AK6: variants seen among roughly 807,000 people sequenced by gnomAD.
AK6 encodes the protein adenylate kinase isoenzyme 6.
In AK6, 24 loss-of-function variants were observed where a neutral mutation model predicts 23.7. The observed-to-expected ratio is 1.01, with a 90% CI of 0.73 to 1.43. The LOEUF (loss-of-function observed/expected upper bound fraction) is 1.43, where lower values mean the gene tolerates loss of function less well. Ranked by LOEUF, AK6 falls within the 40% of genes most tolerant of loss-of-function variation. The probability of loss-of-function intolerance (pLI) is 0.00; values close to 1 mark genes in which losing one functional copy is unlikely to be tolerated. For synonymous variants in AK6, 73 were observed against 69.8 expected, an observed-to-expected ratio of 1.05 and a Z score of -0.23; for missense variants, 191 against 199.1, an observed-to-expected ratio of 0.96 and a Z score of 0.24.
At chr5:69,367,028 G>A (rs1365216426) in intron 1 of AK6, among the ~76,000 whole-genome samples, 2 of 151,916 alleles carry the variant, frequency 1.3e-5, no homozygotes, top group Non-Finnish European at 2.9e-5. Context: ...TAAAGTGCTG[G>A]GATTACAGGC....
intron 1 of AK6, 131 bp downstream of exon 1, chr5:69,369,332 C>T: frequency 1.0e-6 from 1 of 985,794 alleles, no homozygotes. Context: ...GGGGCGCTGA[C>T]AACCGCCTCG....
intron 2 of AK6, 78 bp from the exon 3 acceptor site, chr5:69,356,031 G>C: frequency 8.0e-7 from 1 of 1,248,696 alleles, no homozygotes; most frequent in East Asian, 2.3e-5. Flanking sequence ...CTAGACTTCA[G>C]GAAAGGAAAT....
chr5:69,362,374 T>C (rs1235003537), intron 2 of AK6, among the ~76,000 whole-genome samples: 1 of 152,210 alleles, frequency 6.6e-6, no homozygotes, highest in Non-Finnish European at 1.5e-5. Context: ...GATGATTGCC[T>C]GGTTTCCCTT....
chr5:69,364,932 G>C, intron 2 of AK6: 1 of 1,597,720 alleles, frequency 6.3e-7, no homozygotes. Flanking sequence ...GTTACATTCA[G>C]CAAGGCTAGA....
In AK6 at chr5:69,352,221, A is replaced by T; in HGVS notation, c.359T>A (p.Ile120Asn). ...GYNEKKLTDN[I>N]QCEIFQVLYE... ...AAGAACTTGAAAAATCTCACACTGA[A>T]TATTGTCTGTTAGTTTCTTCTCATT... Residue 120 changes from isoleucine (I) to asparagine (N), a missense_variant, in exon 5 of 5, where the codon ATT becomes AAT. Physicochemically the swap from Ile to Asn is moderately radical, Grantham distance 149 (BLOSUM62 -3). Transcript: ENST00000380822. 3.1e-6 allele frequency: 5 copies of T among 1,613,580 alleles called. No individual in the cohort carries two copies. Among genetic ancestry groups the T allele is most frequent in the Middle Eastern group, 1.7e-4 (1 of 6,060 alleles).
intron 1 of AK6, among the ~76,000 whole-genome samples, chr5:69,368,466 G>A (rs1310737006): frequency 6.6e-6 from 1 of 152,160 alleles, no homozygotes; most frequent in Non-Finnish European, 1.5e-5. Context: ...TCACTTTAAA[G>A]TTTTGACAAT....
In AK6 at chr5:69,367,248, C is replaced by T. The variant is rs151055466; in HGVS notation, c.29-653G>A. On this transcript the variant is annotated intron_variant, in intron 1 of 4. Transcript: ENST00000380822. ...CCATCTCGTGCTGGGCGCAGTGGCT[C>T]ATGCCTGTAATCACCGCACTTTGGG... Among the ~76,000 whole-genome samples the T allele has an allele frequency of 1.5e-3, 226 of 151,990 alleles. 2 individuals are homozygous for T. The Middle Eastern group carries it at 0.017, about 11-fold the overall frequency.
chr5:69,365,848 A>G lies in AK6; in HGVS notation c.121+655T>C, dbSNP rs564040390. 4.4e-6 allele frequency: 4 copies of G among 918,894 alleles called. No homozygotes were observed. The East Asian group carries it at 8.9e-5, about 20-fold the overall frequency. 56.9% of individuals were successfully genotyped at this position (918,894 alleles called of 1,614,324 possible). ...AGGAACTTAAAAAAATTTTAAATCTATGTTAAACTGTAAAAAAATTTTTAA... is the reference window on the plus strand; with the variant it reads ...AGGAACTTAAAAAAATTTTAAATCTGTGTTAAACTGTAAAAAAATTTTTAA... On this transcript the variant is annotated intron_variant, in intron 2 of 4. Transcript: ENST00000380822.
intron 4 of AK6, among the ~76,000 whole-genome samples, chr5:69,353,970 T>C (rs1762017441): frequency 6.6e-6 from 1 of 151,790 alleles, no homozygotes; most frequent in Non-Finnish European, 1.5e-5. Flanking sequence ...AAGGTCTTGC[T>C]ATGTTGCCCA....
chr5:69,352,940 T>C (rs1476983013), intron 4 of AK6, among the ~76,000 whole-genome samples: 2 of 152,100 alleles, frequency 1.3e-5, no homozygotes, highest in Non-Finnish European at 2.9e-5. Context: ...CACAAAAACA[T>C]GTGCAAGAAT....
chr5:69,369,087 T>C lies in AK6; in HGVS notation c.28+376A>G, dbSNP rs1580333089. 10 of 337,792 alleles carry C rather than the reference T, an allele frequency of 3.0e-5. No homozygotes were observed. The Admixed American group carries it at 4.1e-4, about 14-fold the overall frequency. 20.9% of individuals were successfully genotyped at this position (337,792 alleles called of 1,614,324 possible). A position where few individuals can be genotyped will look rare whatever the true frequency, so the allele number is the denominator to read the frequency against. On this transcript the variant is annotated intron_variant, in intron 1 of 4. Coordinates refer to ENST00000380822, the MANE Select transcript of AK6 (RefSeq NM_016283.5). Reference sequence around the variant, plus strand: ...TAATGACTCTACCGGGAAGCAGATATGGCCTTACGTTATTTCGCTAAAAAT... The same window carrying C: ...TAATGACTCTACCGGGAAGCAGATACGGCCTTACGTTATTTCGCTAAAAAT...
chr5:69,362,199 G>A (rs1762259577), intron 2 of AK6, among the ~76,000 whole-genome samples: 2 of 151,930 alleles, frequency 1.3e-5, no homozygotes, highest in Admixed American at 1.3e-4. Context: ...TTTTGAGTCT[G>A]GTAATTGTTA....
At chr5:69,369,692 G>C (rs1487402357), upstream of AK6, 30 of 1,553,464 alleles carry the variant, frequency 1.9e-5, no homozygotes, top group Non-Finnish European at 2.5e-5. Context: ...CGCAAAGTTG[G>C]AGGGTGGGCA....
intron 1 of AK6, among the ~76,000 whole-genome samples, chr5:69,368,325 T>A (rs1762599134): frequency 1.3e-5 from 2 of 152,174 alleles, no homozygotes; most frequent in South Asian, 4.1e-4. Context: ...TTAACATCCC[T>A]GAAATTAAAC....
chr5:69,365,169 T>C (rs986960104), intron 2 of AK6: 18 of 1,614,124 alleles, frequency 1.1e-5, no homozygotes, highest in Non-Finnish European at 1.4e-5. Flanking sequence ...AGTAGGCATC[T>C]GTACTGTAAA....
At chr5:69,362,189 T>C (rs1040201495) in intron 2 of AK6, among the ~76,000 whole-genome samples, 3 of 152,086 alleles carry the variant, frequency 2.0e-5, no homozygotes, top group African/African-American at 7.2e-5. Flanking sequence ...ACTAATGACA[T>C]TTTGAGTCTG....
intron 4 of AK6, among the ~76,000 whole-genome samples, chr5:69,352,906 A>G (rs1325384917): frequency 6.6e-6 from 1 of 152,234 alleles, no homozygotes; most frequent in Non-Finnish European, 1.5e-5. Context: ...TATATAAACA[A>G]GAGAAATAAA....
chr5:69,366,645 C>CAA, intron 1 of AK6, 50 bp from the exon 2 acceptor site: 1 of 1,270,486 alleles, frequency 7.9e-7, no homozygotes. Flanking sequence ...CTACTTATCA[C>CAA]ACTGCGGTCC....
intron 2 of AK6, chr5:69,365,502 G>C: frequency 6.2e-7 from 1 of 1,613,984 alleles, no homozygotes; most frequent in Non-Finnish European, 8.5e-7. Flanking sequence ...AGACTGATCA[G>C]CGCGGCACTG....
Sources: allele counts gnomAD v4.1 joint callset (sites outside exome capture counted in the v4.1 genomes callset), GRCh38; gene constraint gnomAD v4.1.1; transcripts MANE v1.5; gene names NCBI Gene and HGNC (gene_info 2026-07-23, HGNC 2026-07-21).